LCA5: variants seen among roughly 807,000 people sequenced by gnomAD.
LCA5 encodes lebercilin.
In LCA5, 37 loss-of-function variants were observed where a neutral mutation model predicts 53.0. The observed-to-expected ratio is 0.70, with a 90% CI of 0.54 to 0.92. The LOEUF is 0.92. Ranked by LOEUF, LCA5 falls within the 40% of genes least tolerant of loss-of-function variation. The probability of loss-of-function intolerance (pLI) is 0.00; values close to 1 mark genes in which losing one functional copy is unlikely to be tolerated. For missense variants in LCA5, 806 were observed against 790.5 expected (o/e 1.02, Z -0.23); for synonymous variants, 303 against 282.9 (o/e 1.07, Z -0.71).
At chr6:79,493,514 T>C (rs1188860606) in intron 4 of LCA5, 99 bp downstream of exon 4, 2 of 1,129,022 alleles carry the variant, frequency 1.8e-6, no homozygotes, top group Non-Finnish European at 2.6e-6. Context: ...AATTATATTG[T>C]ACCAACTTAC....
intron 1 of LCA5, chr6:79,525,178 G>A (rs1766745846): frequency 6.6e-6 from 1 of 151,908 alleles, no homozygotes; most frequent in Non-Finnish European, 1.5e-5. Flanking sequence ...GCTTCATGTA[G>A]TGTCAGCTTT....
At chr6:79,522,589 A>T (rs1300786346) in intron 1 of LCA5, among the ~76,000 whole-genome samples, 2 of 152,170 alleles carry the variant, frequency 1.3e-5, no homozygotes, top group African/African-American at 4.8e-5. Flanking sequence ...TATAATAAGA[A>T]AGTCTCAAGA....
chr6:79,494,966 C>T (rs1469007720), intron 3 of LCA5, among the ~76,000 whole-genome samples: 1 of 152,164 alleles, frequency 6.6e-6, no homozygotes, highest in African/African-American at 2.4e-5. Flanking sequence ...TGTGCAAATC[C>T]CCTATCTGCT....
chr6:79,536,221 T>C (rs929195549), intron 1 of LCA5, among the ~76,000 whole-genome samples: 2 of 152,186 alleles, frequency 1.3e-5, no homozygotes, highest in Non-Finnish European at 2.9e-5. Context: ...GAAAAAAACA[T>C]AGATTAAAAT....
intron 3 of LCA5, among the ~76,000 whole-genome samples, chr6:79,494,972 C>T (rs1331587774): frequency 2.6e-5 from 4 of 152,206 alleles, no homozygotes; most frequent in Non-Finnish European, 5.9e-5. Flanking sequence ...AATCCCCTAT[C>T]TGCTAAAGCA....
At chr6:79,491,805 T>C (rs2127668836) in intron 5 of LCA5, 75 bp from the exon 6 acceptor site, 3 of 1,247,636 alleles carry the variant, frequency 2.4e-6, no homozygotes, top group South Asian at 1.2e-5. Context: ...CTGGCATGTA[T>C]ATATATATAT....
At chr6:79,501,751 T>C (rs1239437606) in intron 3 of LCA5, among the ~76,000 whole-genome samples, 1 of 150,946 alleles carries the variant, frequency 6.6e-6, no homozygotes, top group African/African-American at 2.4e-5. Context: ...AACAGAATTC[T>C]ATAACTGTAT....
chr6:79,536,799 G>T (rs543881274), intron 1 of LCA5, among the ~76,000 whole-genome samples: 3 of 151,942 alleles, frequency 2.0e-5, no homozygotes, highest in African/African-American at 7.2e-5. Flanking sequence ...TTTTTGTTTT[G>T]TTTGTTTTAA....
At chr6:79,501,265 C>G (rs777427528) in intron 3 of LCA5, among the ~76,000 whole-genome samples, 4 of 151,988 alleles carry the variant, frequency 2.6e-5, no homozygotes, top group Non-Finnish European at 5.9e-5. Context: ...ATTCGTTGGG[C>G]CTCCTATTTT....
chr6:79,498,997 A>T (rs1251022944), intron 3 of LCA5, among the ~76,000 whole-genome samples: 1 of 152,148 alleles, frequency 6.6e-6, no homozygotes, highest in Non-Finnish European at 1.5e-5. Flanking sequence ...AAATATTAGC[A>T]AAAGGAATTT....
intron 1 of LCA5, among the ~76,000 whole-genome samples, chr6:79,526,233 G>C (rs1255792153): frequency 1.4e-4 from 21 of 152,096 alleles, no homozygotes; most frequent in Non-Finnish European, 1.5e-5. Flanking sequence ...CCAGGAATGT[G>C]GTCAAAATAA....
At chr6:79,514,602 G>C (rs1045706347) in intron 2 of LCA5, among the ~76,000 whole-genome samples, 2 of 152,114 alleles carry the variant, frequency 1.3e-5, no homozygotes, top group Non-Finnish European at 2.9e-5. Flanking sequence ...CAAAGACATG[G>C]AATCAACCAA....
rs376479835 is a variant in LCA5, at chr6:79,487,430, G to A, written c.1668C>T (p.Tyr556=). 4.5e-5 allele frequency: 72 copies of A among 1,613,486 alleles called. No homozygotes were observed. The Middle Eastern group carries it at 6.6e-4, about 15-fold the overall frequency. Residue 556 remains tyrosine, a synonymous_variant, in exon 8 of 8, where the codon TAC becomes TAT. Transcript: ENST00000369846. ...CTGATGTTTTTGCAAACGAAGGCAC[G>A]TAGCTACCAAATGCGAACTCATTAG... is the stretch of plus-strand genomic sequence containing the variant. ...ASPNEFAFGS[Y]VPSFAKTSER...
At chr6:79,497,349 C>A (rs1395786180) in intron 3 of LCA5, among the ~76,000 whole-genome samples, 1 of 152,082 alleles carries the variant, frequency 6.6e-6, no homozygotes, top group Non-Finnish European at 1.5e-5. Context: ...GCTAGGAGAT[C>A]AAAATTAACA....
At chr6:79,526,538 C>T (rs1415120376) in intron 1 of LCA5, among the ~76,000 whole-genome samples, 1 of 151,990 alleles carries the variant, frequency 6.6e-6, no homozygotes, top group East Asian at 1.9e-4. Flanking sequence ...AGCGAGACAC[C>T]GTCTCAAAAA....
chr6:79,536,738 C>T (rs1028654877), intron 1 of LCA5, among the ~76,000 whole-genome samples: 1 of 152,184 alleles, frequency 6.6e-6, no homozygotes, highest in East Asian at 1.9e-4. Flanking sequence ...CCGTCTTGGC[C>T]CTTGGCCCTG....
rs751306706 is a variant in LCA5, at chr6:79,487,429, C to T, written c.1669G>A (p.Val557Met). The T allele has an allele frequency of 8.1e-6, 13 of 1,613,398 alleles. No homozygotes were observed. The highest frequency in any genetic ancestry group is 3.3e-5 in the South Asian group (3 of 91,010). Residue 557 changes from valine to methionine, a missense_variant, in exon 8 of 8, where the codon GTG becomes ATG. Transcript: ENST00000369846. ...SPNEFAFGSY[V>M]PSFAKTSERS... ...TCTGATGTTTTTGCAAACGAAGGCA[C>T]GTAGCTACCAAATGCGAACTCATTA... is the stretch of plus-strand genomic sequence containing the variant.
chr6:79,501,655 A>G (rs960104922), intron 3 of LCA5, among the ~76,000 whole-genome samples: 3 of 151,276 alleles, frequency 2.0e-5, no homozygotes, highest in African/African-American at 4.8e-5. Context: ...TAATAGGTAC[A>G]ATATAGTTAT....
At chr6:79,514,906 T>C (rs1466437639) in intron 2 of LCA5, among the ~76,000 whole-genome samples, 2 of 151,930 alleles carry the variant, frequency 1.3e-5, no homozygotes, top group Non-Finnish European at 2.9e-5. Context: ...AAATACCTAA[T>C]GGATACTAGG....
Sources: allele counts gnomAD v4.1 joint callset (sites outside exome capture counted in the v4.1 genomes callset), GRCh38; gene constraint gnomAD v4.1.1; transcripts MANE v1.5; gene names NCBI Gene and HGNC (gene_info 2026-07-23, HGNC 2026-07-21).